The following FARS2 variants were observed in gnomAD, a reference collection of about 807,000 sequenced individuals.
FARS2 encodes phenylalanine--tRNA ligase, mitochondrial.
Under a neutral mutation model 46.4 loss-of-function variants are expected in FARS2, and 40 were observed. That is an observed-to-expected ratio of 0.86 (90% CI 0.67 to 1.12). The LOEUF (loss-of-function observed/expected upper bound fraction) is 1.12. FARS2 is among the 50% of genes most tolerant of loss of function. The probability of loss-of-function intolerance (pLI) is 0.00; values close to 1 mark genes in which losing one functional copy is unlikely to be tolerated. For missense variants in FARS2, 513 were observed against 567.9 expected (o/e 0.90, Z 0.98); for synonymous variants, 234 against 214.9 (o/e 1.09, Z -0.78).
intron 4 of FARS2, among the ~76,000 whole-genome samples, chr6:5,499,310 T>G (rs1356279796): frequency 6.6e-6 from 1 of 152,164 alleles, no homozygotes; most frequent in African/African-American, 2.4e-5. Context: ...GCAAGTCAGA[T>G]AGTGTGGTGC....
At chr6:5,432,443 A>G (rs1279233252) in intron 4 of FARS2, among the ~76,000 whole-genome samples, 1 of 129,748 alleles carries the variant, frequency 7.7e-6, no homozygotes, top group Non-Finnish European at 1.6e-5. Flanking sequence ...AATATAATAT[A>G]TAAAATATAT....
At chr6:5,361,860 A>G (rs1193640755) in intron 1 of FARS2, among the ~76,000 whole-genome samples, 2 of 152,208 alleles carry the variant, frequency 1.3e-5, no homozygotes, top group African/African-American at 4.8e-5. Flanking sequence ...AGTCCAGTAC[A>G]GTTTGTGTAC....
At chr6:5,548,836 A>G (rs1771194705) in intron 5 of FARS2, among the ~76,000 whole-genome samples, 1 of 152,194 alleles carries the variant, frequency 6.6e-6, no homozygotes, top group Non-Finnish European at 1.5e-5. Context: ...TATAATTTTT[A>G]TAGTTGTCTT....
chr6:5,349,542 A>C (rs977547669), intron 1 of FARS2, among the ~76,000 whole-genome samples: 1 of 152,178 alleles, frequency 6.6e-6, no homozygotes, highest in Non-Finnish European at 1.5e-5. Context: ...AATGTATATA[A>C]ATATTTCAGT....
At chr6:5,683,610 T>C (rs528941276) in intron 6 of FARS2, among the ~76,000 whole-genome samples, 1 of 152,088 alleles carries the variant, frequency 6.6e-6, no homozygotes, top group African/African-American at 2.4e-5. Flanking sequence ...TTTTTCTTTT[T>C]TTTTTTCTTT....
intron 4 of FARS2, among the ~76,000 whole-genome samples, chr6:5,499,777 A>T (rs1767681653): frequency 6.6e-6 from 1 of 152,238 alleles, no homozygotes. Flanking sequence ...TGTGTGCCAG[A>T]ATATCTTTGA....
At chr6:5,692,568 A>G (rs947808434) in intron 6 of FARS2, among the ~76,000 whole-genome samples, 3 of 152,238 alleles carry the variant, frequency 2.0e-5, no homozygotes, top group Non-Finnish European at 4.4e-5. Flanking sequence ...TGAAAACTAG[A>G]TTGAAGGAAA....
At chr6:5,487,635 A>C (rs560737123) in intron 4 of FARS2, among the ~76,000 whole-genome samples, 14 of 152,256 alleles carry the variant, frequency 9.2e-5, no homozygotes, top group African/African-American at 3.1e-4. Flanking sequence ...AGCTGGTCTG[A>C]GGGCAGATTC....
intron 6 of FARS2, among the ~76,000 whole-genome samples, chr6:5,757,959 A>G (rs181031311): frequency 2.8e-4 from 42 of 152,362 alleles, no homozygotes; most frequent in Non-Finnish European, 1.5e-5. Context: ...AGTTGTTTTC[A>G]TAGAGAAGTA....
intron 4 of FARS2, among the ~76,000 whole-genome samples, chr6:5,447,347 A>G (rs182887191): frequency 3.3e-5 from 5 of 152,278 alleles, no homozygotes; most frequent in African/African-American, 9.6e-5. Context: ...GAAGGAGCAG[A>G]TTAGTTCTGA....
rs537899763 is a variant in FARS2 at position 5,746,375 on chromosome 6, C to T, written c.1218-24916C>T. Among the ~76,000 whole-genome samples the T allele has an allele frequency of 6.9e-4, 105 of 152,292 alleles. 4 individuals carry two copies. The South Asian group carries it at 0.019, about 28-fold the overall frequency. ...GGTATCTGCTTTATGTGTTTGACAA[C>T]GGCAGGTTTTTGTCTGCTTGCCATA... On this transcript the variant is annotated intron_variant, in intron 6 of 6. Coordinates refer to ENST00000274680, the MANE Select transcript of FARS2 (RefSeq NM_006567.5).
chr6:5,696,737 T>G (rs1758128000), intron 6 of FARS2, among the ~76,000 whole-genome samples: 2 of 152,354 alleles, frequency 1.3e-5, no homozygotes, highest in South Asian at 4.1e-4. Context: ...GCAGTTCATA[T>G]GCATACAATT....
At chr6:5,684,101 G>A (rs532912340) in intron 6 of FARS2, among the ~76,000 whole-genome samples, 6 of 152,184 alleles carry the variant, frequency 3.9e-5, no homozygotes, top group South Asian at 2.1e-4. Context: ...CCCTCAGAAC[G>A]CGGTTTCTTG....
chr6:5,771,249 T>G (rs1048450998), intron 6 of FARS2, 42 bp from the exon 7 acceptor site: 3 of 1,612,434 alleles, frequency 1.9e-6, no homozygotes, highest in Non-Finnish European at 1.7e-6. Context: ...AGGCACAGCC[T>G]TGTTCATCCC....
At chr6:5,456,457 G>C (rs1764868916) in intron 4 of FARS2, among the ~76,000 whole-genome samples, 1 of 149,700 alleles carries the variant, frequency 6.7e-6, no homozygotes, top group Admixed American at 6.6e-5. Flanking sequence ...GGGTTGGCCA[G>C]GCACGGTGGC....
chr6:5,683,058 G>A (rs4960126), intron 6 of FARS2, among the ~76,000 whole-genome samples: 57,184 of 152,132 alleles, frequency 0.38, 12,405 homozygotes, highest in Non-Finnish European at 0.49. Context: ...AGGGCTGTGT[G>A]GGCCTCAGCC....
At chr6:5,251,533 G>A in the FARS2 span, among the ~76,000 whole-genome samples, 7 of 152,280 alleles carry the variant, frequency 4.6e-5, no homozygotes, top group Admixed American at 2.6e-4. Flanking sequence ...GCAAGCAAGC[G>A]AGGAAGGAGA....
chr6:5,432,351 T>TTATATATATATATATATATATATATTA (rs1554184584), intron 4 of FARS2, among the ~76,000 whole-genome samples: 2 of 42,336 alleles, frequency 4.7e-5, no homozygotes, highest in African/African-American at 1.4e-4. Flanking sequence ...TATATATATA[T>TTATATATATATATATATATATATATTA]TATATATATA....
chr6:5,534,861 A>G (rs79407320), intron 4 of FARS2, among the ~76,000 whole-genome samples: 3,887 of 150,404 alleles, frequency 0.026, 53 homozygotes, highest in African/African-American at 0.039. Context: ...TTGCACGCGC[A>G]CACACACACA....
Sources: allele counts gnomAD v4.1 joint callset (sites outside exome capture counted in the v4.1 genomes callset), GRCh38; gene constraint gnomAD v4.1.1; transcripts MANE v1.5; gene names NCBI Gene and HGNC (gene_info 2026-07-23, HGNC 2026-07-21).